Variants in THAP6 observed in about 807,000 individuals in gnomAD.
The protein encoded by THAP6 is THAP domain-containing protein 6.
Under a neutral mutation model 20.0 loss-of-function variants are expected in THAP6, and 13 were observed. The observed-to-expected ratio is 0.65, with a 90% CI of 0.42 to 1.03. The LOEUF is 1.03. Ranked by LOEUF, THAP6 falls within the 50% of genes least tolerant of loss-of-function variation. The pLI is 0.00. For synonymous variants in THAP6, 93 were observed against 92.2 expected (o/e 1.01, Z -0.05); for missense variants, 262 against 261.6 (o/e 1.00, Z -0.01).
At chr4:75,532,711 T>C (rs1255959317), downstream of THAP6, among the ~76,000 whole-genome samples, 2 of 152,260 alleles carry the variant, frequency 1.3e-5, no homozygotes, top group Non-Finnish European at 2.9e-5. Flanking sequence ...TCTTGACTTC[T>C]GTGCACTCAA....
chr4:75,530,027 T>C, downstream of THAP6: 11 of 970,600 alleles, frequency 1.1e-5, no homozygotes, highest in Non-Finnish European at 1.3e-5. Context: ...TATCCAGTAA[T>C]GTGTTATGTG....
downstream of THAP6, among the ~76,000 whole-genome samples, chr4:75,533,431 A>G (rs1347963461): frequency 3.3e-5 from 5 of 152,088 alleles, no homozygotes; most frequent in Non-Finnish European, 5.9e-5. Flanking sequence ...ACATTTTCGT[A>G]TCTTCTTCTG....
rs534010046 is a variant in THAP6 at position 75,515,906 on chromosome 4, A to G, written c.80+374A>G. Reference sequence around the variant, plus strand: ...CTCTCTATTTAGAAGTAGATCAAGCATAGGTTATAGAGAAAAAATACAAAT... The same window carrying G: ...CTCTCTATTTAGAAGTAGATCAAGCGTAGGTTATAGAGAAAAAATACAAAT... On this transcript the variant is annotated intron_variant, in intron 2 of 4. Transcript: ENST00000311638. Among the ~76,000 whole-genome samples the G allele has an allele frequency of 2.6e-5, 4 of 152,380 alleles. No individual in the cohort carries two copies. The South Asian group carries it at 8.3e-4, about 32-fold the overall frequency.
intron 2 of THAP6, among the ~76,000 whole-genome samples, chr4:75,541,955 CAAAA>C (rs61213735): frequency 4.9e-5 from 5 of 102,420 alleles, no homozygotes; most frequent in Admixed American, 1.0e-4. Flanking sequence ...AGACTGTCTC[CAAAA>C]AAAAAAAAAA....
chr4:75,514,064 C>G (rs1725264756), upstream of THAP6: 9 of 1,398,342 alleles, frequency 6.4e-6, no homozygotes, highest in South Asian at 1.2e-4. Flanking sequence ...AAGAAGAACC[C>G]AGTTCCAGGT....
downstream of THAP6, among the ~76,000 whole-genome samples, chr4:75,530,991 C>CT (rs534491779): frequency 3.9e-4 from 59 of 152,270 alleles, no homozygotes; most frequent in African/African-American, 1.4e-3. Context: ...ACAGAAAACT[C>CT]TGAAACTGGG....
intron 3 of THAP6, among the ~76,000 whole-genome samples, chr4:75,545,747 G>A (rs957086822): frequency 1.3e-5 from 2 of 152,210 alleles, no homozygotes; most frequent in South Asian, 2.1e-4. Flanking sequence ...GGCAGCGTCC[G>A]CAGTTGTGAC....
chr4:75,533,696 A>G (rs1041807457), downstream of THAP6, among the ~76,000 whole-genome samples: 113 of 152,134 alleles, frequency 7.4e-4, no homozygotes, highest in Non-Finnish European at 2.8e-4. Flanking sequence ...CACATCTTAC[A>G]TGGATGGCAG....
At chr4:75,545,630 C>T (rs1362127624) in intron 3 of THAP6, among the ~76,000 whole-genome samples, 1 of 152,134 alleles carries the variant, frequency 6.6e-6, no homozygotes, top group Non-Finnish European at 1.5e-5. Flanking sequence ...TCAGGGGTGC[C>T]CACCACTCCC....
intron 2 of THAP6, among the ~76,000 whole-genome samples, chr4:75,537,006 G>A (rs775757052): frequency 5.6e-4 from 85 of 152,114 alleles, no homozygotes; most frequent in Non-Finnish European, 7.9e-4. Context: ...TCAATTAAGA[G>A]GATATACGGT....
At chr4:75,521,933 T>G in intron 4 of THAP6, 72 bp downstream of exon 4, 3 of 1,582,826 alleles carry the variant, frequency 1.9e-6, no homozygotes, top group South Asian at 2.3e-5. Context: ...ACAATCAAAT[T>G]TTTCAGAATC....
chr4:75,533,414 CTTTCCCACAT>C (rs1249365802), downstream of THAP6, among the ~76,000 whole-genome samples: 1 of 152,200 alleles, frequency 6.6e-6, no homozygotes, highest in Non-Finnish European at 1.5e-5. Context: ...GAGTTCCAAA[CTTTCCCACAT>C]TTTCGTATCT....
At chr4:75,542,331 T>C (rs911250127) in intron 2 of THAP6, 2 of 662,152 alleles carry the variant, frequency 3.0e-6, no homozygotes, top group Non-Finnish European at 5.5e-6. Flanking sequence ...TACTGATATC[T>C]GGGAAGTATT....
At chr4:75,525,545 T>C (rs1045578602) in intron 4 of THAP6, among the ~76,000 whole-genome samples, 13 of 152,230 alleles carry the variant, frequency 8.5e-5, no homozygotes, top group Non-Finnish European at 1.5e-4. Context: ...CTTTCTTAAT[T>C]GTCTGCTAAT....
chr4:75,540,382 T>G (rs1726971010), intron 2 of THAP6, among the ~76,000 whole-genome samples: 2 of 152,230 alleles, frequency 1.3e-5, no homozygotes, highest in South Asian at 4.1e-4. Flanking sequence ...AAAGAGTTCA[T>G]AGGCTAGCTA....
intron 2 of THAP6, 114 bp downstream of exon 2, chr4:75,515,646 C>T (rs77865223): frequency 1.1e-6 from 1 of 951,382 alleles, no homozygotes; most frequent in Non-Finnish European, 1.7e-6. Context: ...TTTTAAATAA[C>T]CTTTTTGTTA....
intron 3 of THAP6, among the ~76,000 whole-genome samples, chr4:75,520,052 TTTTGA>T (rs1353970879): frequency 6.6e-6 from 1 of 151,982 alleles, no homozygotes; most frequent in Non-Finnish European, 1.5e-5. Context: ...CTCATTGTGG[TTTTGA>T]TTTGCATTTC....
intron 1 of THAP6, 42 bp from the exon 2 acceptor site, chr4:75,515,391 G>C: frequency 6.4e-7 from 1 of 1,561,430 alleles, no homozygotes; most frequent in Non-Finnish European, 8.8e-7. Flanking sequence ...TTCCCCTTCA[G>C]CTTTCCGGTT....
In THAP6 at chr4:75,514,771, C is replaced by T. The variant is rs141628043; in HGVS notation, c.-21+251C>T. On this transcript the variant is annotated intron_variant, in intron 1 of 4. Transcript: ENST00000311638. ...GGGTCCCGCGCGCTGCTCTTGGACG[C>T]CAGGGTGCTCGCTGGCACCTCGAAG... is the stretch of plus-strand genomic sequence containing the variant. 4.1e-3 allele frequency: 647 copies of T among 158,134 alleles called. 3 individuals carry two copies. Among genetic ancestry groups the T allele is most frequent in the African/African-American group, 0.015 (619 of 41,744 alleles). The allele number at this position is 158,134 out of a possible 1,614,324, so 9.8% of individuals were successfully genotyped here.
Sources: allele counts gnomAD v4.1 joint callset (sites outside exome capture counted in the v4.1 genomes callset), GRCh38; gene constraint gnomAD v4.1.1; transcripts MANE v1.5; gene names NCBI Gene and HGNC (gene_info 2026-07-23, HGNC 2026-07-21).